The following EPHB1 variants were observed in gnomAD, a reference collection of about 807,000 sequenced individuals.
EPHB1 encodes the protein ephrin type-B receptor 1.
A neutral mutation model predicts 94.4 loss-of-function variants in EPHB1; 30 were observed. The ratio of observed to expected loss-of-function variants is 0.32; its 90% CI spans 0.24 to 0.43. The LOEUF is 0.43. EPHB1 is among the 20% of genes least tolerant of loss of function. EPHB1 has a pLI of 1.00. For synonymous variants in EPHB1, 522 were observed against 489.1 expected (o/e 1.07, Z -0.89); for missense variants, 1,055 against 1,308.3 (o/e 0.81, Z 2.99).
At chr3:135,013,059 C>A (rs754105772) in intron 3 of EPHB1, among the ~76,000 whole-genome samples, 1 of 152,118 alleles carries the variant, frequency 6.6e-6, no homozygotes, top group Non-Finnish European at 1.5e-5. Flanking sequence ...GATTTCAGAA[C>A]GAAAGCCTTT....
At chr3:134,799,247 C>T (rs2108281654) in intron 1 of EPHB1, among the ~76,000 whole-genome samples, 1 of 152,324 alleles carries the variant, frequency 6.6e-6, no homozygotes, top group South Asian at 2.1e-4. Context: ...GTGTCTTCAA[C>T]AGGCCACAAG....
Position 134,795,628 on chromosome 3 carries a change from G to T in EPHB1, c.-4G>T, listed in dbSNP as rs781410193. ...GGTCTCGGCCTGCGGGCCGTCGGCC[G>T]GCGATGGCCCTGGATTATCTACTAC... is the stretch of plus-strand genomic sequence containing the variant. On this transcript the variant is annotated 5_prime_UTR_variant, in exon 1 of 16. Coordinates refer to ENST00000398015, the MANE Select transcript of EPHB1 (RefSeq NM_004441.5). 6.2e-6 allele frequency: 10 copies of T among 1,603,490 alleles called. No homozygotes were observed. The highest frequency in any genetic ancestry group is 8.5e-6 in the Non-Finnish European group (10 of 1,176,138).
intron 3 of EPHB1, among the ~76,000 whole-genome samples, chr3:135,026,071 T>A (rs1235245568): frequency 8.6e-4 from 74 of 86,206 alleles, no homozygotes; most frequent in African/African-American, 2.5e-3. Context: ...TTTGTTTTTT[T>A]CTTGTAAATT....
intron 15 of EPHB1, among the ~76,000 whole-genome samples, chr3:135,253,976 T>G (rs1933248168): frequency 7.3e-6 from 1 of 137,492 alleles, no homozygotes; most frequent in African/African-American, 2.7e-5. Flanking sequence ...TTTGAAGCAA[T>G]TGTGAATGGG....
At chr3:135,141,145 C>CT (rs59743607) in intron 5 of EPHB1, among the ~76,000 whole-genome samples, 9,937 of 131,208 alleles carry the variant, frequency 0.076, 449 homozygotes, top group South Asian at 0.2. Flanking sequence ...CTTTCCTTTC[C>CT]TTTTTTTTTT....
chr3:134,981,526 A>G (rs1934401982), intron 3 of EPHB1, among the ~76,000 whole-genome samples: 1 of 152,322 alleles, frequency 6.6e-6, no homozygotes, highest in African/African-American at 2.4e-5. Context: ...CCACCTCAAA[A>G]TGGCCAGGAA....
At chr3:135,219,829 A>G (rs1943234966) in intron 12 of EPHB1, among the ~76,000 whole-genome samples, 1 of 152,168 alleles carries the variant, frequency 6.6e-6, no homozygotes, top group Non-Finnish European at 1.5e-5. Flanking sequence ...AGAAATTGAT[A>G]AGGAAGGCGG....
At chr3:135,042,213 G>A (rs936728239) in intron 3 of EPHB1, among the ~76,000 whole-genome samples, 6 of 152,126 alleles carry the variant, frequency 3.9e-5, no homozygotes, top group Non-Finnish European at 7.4e-5. Flanking sequence ...GCTATGGTAT[G>A]AGCCACCATA....
chr3:135,232,903 G>A (rs917401008), intron 12 of EPHB1, among the ~76,000 whole-genome samples: 15 of 152,178 alleles, frequency 9.9e-5, no homozygotes, highest in Non-Finnish European at 1.6e-4. Flanking sequence ...CAGATCTTAT[G>A]AGAACTCACT....
At chr3:135,213,181 G>A (rs376491732) in intron 12 of EPHB1, among the ~76,000 whole-genome samples, 1 of 151,996 alleles carries the variant, frequency 6.6e-6, no homozygotes, top group Non-Finnish European at 1.5e-5. Flanking sequence ...GTTTTAGATC[G>A]CTATTTCTAG....
chr3:135,094,236 C>G (rs1439225330), intron 3 of EPHB1, among the ~76,000 whole-genome samples: 2 of 152,180 alleles, frequency 1.3e-5, no homozygotes, highest in African/African-American at 2.4e-5. Flanking sequence ...CTGCTCTGTC[C>G]CACTCCCCTC....
At chr3:135,149,540 GT>G (rs1388422542) in intron 5 of EPHB1, among the ~76,000 whole-genome samples, 6 of 152,274 alleles carry the variant, frequency 3.9e-5, no homozygotes, top group Admixed American at 2.0e-4. Flanking sequence ...TTGTCCGAAA[GT>G]TTCATAGCAC....
At chr3:135,061,199 T>C (rs1460978029) in intron 3 of EPHB1, among the ~76,000 whole-genome samples, 1 of 152,142 alleles carries the variant, frequency 6.6e-6, no homozygotes, top group African/African-American at 2.4e-5. Context: ...TCTTCAGTGG[T>C]GATTTGTGAG....
intron 1 of EPHB1, among the ~76,000 whole-genome samples, chr3:134,840,153 T>A (rs569433417): frequency 1.3e-5 from 2 of 152,346 alleles, no homozygotes; most frequent in African/African-American, 4.8e-5. Flanking sequence ...GCAGCACACA[T>A]CACTATGGCA....
intron 6 of EPHB1, among the ~76,000 whole-genome samples, chr3:135,158,908 T>A (rs1941432686): frequency 6.6e-6 from 1 of 152,234 alleles, no homozygotes; most frequent in Admixed American, 6.5e-5. Flanking sequence ...CTTGGTAATT[T>A]CTACCTTTCA....
intron 9 of EPHB1, among the ~76,000 whole-genome samples, chr3:135,172,076 A>T (rs976878011): frequency 1.3e-5 from 2 of 152,174 alleles, no homozygotes; most frequent in Non-Finnish European, 2.9e-5. Context: ...ATCTAGAGTG[A>T]TGTTAGTTCT....
chr3:135,039,390 A>G (rs1936755388), intron 3 of EPHB1, among the ~76,000 whole-genome samples: 1 of 152,244 alleles, frequency 6.6e-6, no homozygotes, highest in South Asian at 2.1e-4. Flanking sequence ...CTGGGGCTGC[A>G]GGTGGAGCTG....
At chr3:134,818,024 C>A (rs2036303062) in intron 1 of EPHB1, among the ~76,000 whole-genome samples, 1 of 152,218 alleles carries the variant, frequency 6.6e-6, no homozygotes, top group Non-Finnish European at 1.5e-5. Context: ...CGCCCCACTC[C>A]TGGCTCAGCT....
rs540212647 is a variant in EPHB1 at position 135,184,677 on chromosome 3, G to A, written c.1882+4695G>A. Among the ~76,000 whole-genome samples, 4 of 152,320 alleles carry A rather than the reference G, an allele frequency of 2.6e-5. No individual in the cohort carries two copies. The South Asian group carries it at 6.2e-4, about 24-fold the overall frequency. On this transcript the variant is annotated intron_variant, in intron 10 of 15. Coordinates refer to ENST00000398015, the MANE Select transcript of EPHB1 (RefSeq NM_004441.5). ...AGAATGAAGAGAGACTGGACAGGTG[G>A]CATGAGATCATGAGTCATTTGATGC...
Sources: gnomAD v4.1 joint callset for allele counts (sites outside exome capture counted in the v4.1 genomes callset) on GRCh38, gnomAD v4.1.1 for gene constraint, MANE v1.5 for transcripts, NCBI Gene and HGNC (gene_info 2026-07-23, HGNC 2026-07-21) for gene names.